The following INPP5A variants were observed in gnomAD, a reference collection of about 807,000 sequenced individuals.
INPP5A encodes inositol polyphosphate-5-phosphatase A.
Under a neutral mutation model 65.2 loss-of-function variants are expected in INPP5A, and 14 were observed. The observed-to-expected ratio is 0.21, with a 90% CI of 0.14 to 0.34. The LOEUF (loss-of-function observed/expected upper bound fraction) is 0.34, where lower values mean the gene tolerates loss of function less well. Ranked by LOEUF, INPP5A falls within the 10% of genes least tolerant of loss-of-function variation. The pLI is 1.00. For missense variants in INPP5A, 431 were observed against 545.6 expected (o/e 0.79, Z 2.09); for synonymous variants, 207 against 208.3 (o/e 0.99, Z 0.05).
At chr10:132,556,430 G>C (rs2071126883) in intron 1 of INPP5A, among the ~76,000 whole-genome samples, 1 of 152,218 alleles carries the variant, frequency 6.6e-6, no homozygotes, top group Non-Finnish European at 1.5e-5. Context: ...GGTGGAAGCT[G>C]CTCTCCAGTG....
At chr10:132,732,739 C>T (rs1017778645) in intron 9 of INPP5A, among the ~76,000 whole-genome samples, 1 of 152,194 alleles carries the variant, frequency 6.6e-6, no homozygotes, top group South Asian at 2.1e-4. Flanking sequence ...CCTGCGGCCC[C>T]TCAGTGCTGC....
At chr10:132,598,225 C>G (rs1211519137) in intron 1 of INPP5A, among the ~76,000 whole-genome samples, 2 of 152,204 alleles carry the variant, frequency 1.3e-5, no homozygotes, top group African/African-American at 4.8e-5. Flanking sequence ...GAGATTACCT[C>G]CACCTTTTTA....
chr10:132,626,948 G>C (rs1345140376), intron 2 of INPP5A, among the ~76,000 whole-genome samples: 1 of 152,188 alleles, frequency 6.6e-6, no homozygotes, highest in East Asian at 1.9e-4. Context: ...AGACCAAATT[G>C]TGTCCCCCCA....
At chr10:132,714,459 C>G (rs1019149249) in intron 8 of INPP5A, among the ~76,000 whole-genome samples, 1 of 152,202 alleles carries the variant, frequency 6.6e-6, no homozygotes, top group African/African-American at 2.4e-5. Flanking sequence ...GCCCCATTCA[C>G]GGCGTTGGGA....
At chr10:132,684,596 A>G (rs754993184) in intron 4 of INPP5A, among the ~76,000 whole-genome samples, 2 of 152,210 alleles carry the variant, frequency 1.3e-5, no homozygotes, top group Non-Finnish European at 2.9e-5. Context: ...GCAGTCACTC[A>G]TTAGTCACTG....
At chr10:132,703,523 A>T (rs1162020369) in intron 6 of INPP5A, among the ~76,000 whole-genome samples, 4 of 123,542 alleles carry the variant, frequency 3.2e-5, no homozygotes, top group African/African-American at 1.2e-4. Flanking sequence ...ACACACACAC[A>T]CTCACATTTA....
intron 4 of INPP5A, among the ~76,000 whole-genome samples, chr10:132,688,243 C>A (rs573918274): frequency 4.1e-4 from 62 of 152,336 alleles, no homozygotes; most frequent in African/African-American, 1.3e-3. Flanking sequence ...ACATAAGTCC[C>A]CTCACCATGC....
At chr10:132,743,216 C>G in intron 9 of INPP5A, among the ~76,000 whole-genome samples, 1 of 145,900 alleles carries the variant, frequency 6.9e-6, no homozygotes, top group South Asian at 2.3e-4. Flanking sequence ...TCAGCCCCAG[C>G]AGGGACCGGG....
chr10:132,726,172 T>C (rs1170361841), intron 8 of INPP5A, among the ~76,000 whole-genome samples: 1 of 152,222 alleles, frequency 6.6e-6, no homozygotes, highest in African/African-American at 2.4e-5. Context: ...AGAATTTTTC[T>C]TGAGTACAGC....
At chr10:132,595,637 CCTGT>C (rs1040251982) in intron 1 of INPP5A, among the ~76,000 whole-genome samples, 9 of 152,150 alleles carry the variant, frequency 5.9e-5, no homozygotes, top group African/African-American at 1.9e-4. Flanking sequence ...TCACTGGCAC[CCTGT>C]CTATCTCCAC....
chr10:132,780,867 G>T lies in INPP5A; in HGVS notation c.1108G>T (p.Val370Phe). ...TTTCCAGTCGGAGAGCGAGGAGAAG[G>T]TTGTCACCTATGACCACATTGGGCC... ...LVLRSESEEK[V>F]VTYDHIGPNV... The change falls in exon 14 of 16, where the codon GTT becomes TTT. Residue 370 changes from valine to phenylalanine, a missense_variant. Val to Phe is a conservative substitution (Grantham distance 50). Coordinates refer to ENST00000368594, the MANE Select transcript of INPP5A (RefSeq NM_005539.5). 1 of 1,612,258 alleles carries T rather than the reference G, an allele frequency of 6.2e-7. No individual in the cohort carries two copies. The highest frequency in any genetic ancestry group is 8.5e-7 in the Non-Finnish European group (1 of 1,179,256).
intron 4 of INPP5A, among the ~76,000 whole-genome samples, chr10:132,690,148 A>C (rs906492877): frequency 1.3e-5 from 2 of 152,158 alleles, no homozygotes; most frequent in Admixed American, 6.5e-5. Context: ...GGCCCGTGGG[A>C]CTTGCGTCCC....
intron 8 of INPP5A, among the ~76,000 whole-genome samples, chr10:132,717,938 G>A (rs1164947535): frequency 2.3e-5 from 3 of 129,798 alleles, no homozygotes; most frequent in African/African-American, 6.2e-5. Flanking sequence ...CACCTTAGAC[G>A]GCTGTCTTGC....
At chr10:132,654,573 G>A (rs1048335115) in intron 4 of INPP5A, among the ~76,000 whole-genome samples, 3 of 152,190 alleles carry the variant, frequency 2.0e-5, no homozygotes, top group Admixed American at 6.5e-5. Flanking sequence ...GGGCAGCAGC[G>A]GCCAGCCAGA....
intron 2 of INPP5A, among the ~76,000 whole-genome samples, chr10:132,624,141 C>G (rs2072145279): frequency 6.6e-6 from 1 of 152,180 alleles, no homozygotes; most frequent in African/African-American, 2.4e-5. Context: ...ACCCCCTGAC[C>G]CACGCACGTT....
chr10:132,780,818 C>A, intron 13 of INPP5A, 31 bp from the exon 14 acceptor site: 1 of 1,604,418 alleles, frequency 6.2e-7, no homozygotes, highest in South Asian at 1.1e-5. Context: ...CCCCACCTCC[C>A]CACACTCACC....
intron 12 of INPP5A, among the ~76,000 whole-genome samples, chr10:132,771,657 C>G (rs1342282100): frequency 5.1e-4 from 74 of 145,382 alleles, no homozygotes; most frequent in African/African-American, 1.7e-3. Flanking sequence ...GCAGCCGCCC[C>G]GCGAAGAGTG....
At chr10:132,580,346 C>T (rs927921880) in intron 1 of INPP5A, among the ~76,000 whole-genome samples, 5 of 152,148 alleles carry the variant, frequency 3.3e-5, no homozygotes, top group African/African-American at 4.8e-5. Flanking sequence ...GTGTGTGGCA[C>T]TTCCCCTTTC....
chr10:132,749,786 G>C lies in INPP5A; in HGVS notation c.844G>C (p.Glu282Gln). 2 of 1,613,228 alleles carry C rather than the reference G, an allele frequency of 1.2e-6. No individual in the cohort carries two copies. Among genetic ancestry groups the C allele is most frequent in the Non-Finnish European group, 1.7e-6 (2 of 1,180,008 alleles). ...GACTTCACAGGTTATGCTCCAGTTA[G>C]AAAAGAAACTCTTCGACTACTTCAA... ...DNDRKVMLQL[E>Q]KKLFDYFNQE... Residue 282 changes from glutamate (E) to glutamine (Q), a missense_variant, in exon 11 of 16, where the codon GAA becomes CAA. Coordinates refer to ENST00000368594, the MANE Select transcript of INPP5A (RefSeq NM_005539.5).
Sources: gnomAD v4.1 joint callset for allele counts (sites outside exome capture counted in the v4.1 genomes callset) on GRCh38, gnomAD v4.1.1 for gene constraint, MANE v1.5 for transcripts, NCBI Gene and HGNC (gene_info 2026-07-23, HGNC 2026-07-21) for gene names.